GSTCD: variants seen among roughly 807,000 people sequenced by gnomAD.
GSTCD encodes the protein glutathione S-transferase C-terminal domain containing, also known as glutathione S-transferase C-terminal domain-containing protein.
Under a neutral mutation model 68.3 loss-of-function variants are expected in GSTCD, and 44 were observed. The ratio of observed to expected loss-of-function variants is 0.64; its 90% CI spans 0.51 to 0.83. GSTCD has a LOEUF of 0.83. GSTCD is among the 40% of genes least tolerant of loss of function. The pLI, the probability that GSTCD is intolerant of heterozygous loss-of-function variation, is 0.00. For synonymous variants in GSTCD, 273 were observed against 255.2 expected (o/e 1.07, Z -0.67); for missense variants, 739 against 735.9 (o/e 1.00, Z -0.05).
intron 5 of GSTCD, among the ~76,000 whole-genome samples, chr4:105,799,758 A>T (rs946224793): frequency 1.3e-5 from 2 of 152,096 alleles, no homozygotes; most frequent in Non-Finnish European, 2.9e-5. Context: ...ACACAGAAAC[A>T]TAAAGTGAAC....
Position 105,726,614 on chromosome 4 carries a change from A to G in GSTCD, c.930A>G (p.Val310=), listed in dbSNP as rs745599344. Residue 310 remains valine (V), a synonymous_variant, in exon 4 of 12, where the codon GTA becomes GTG. Transcript: ENST00000515279. ...GCAGGAAATTTTCTGAGAAGCTGGT[A>G]GAATTTCCATTGCTAGCCTCTTGGT... ...IISRKFSEKL[V]EFPLLASWYQ... 122 of 1,608,516 alleles carry G rather than the reference A, an allele frequency of 7.6e-5. 3 individuals carry two copies. The South Asian group carries it at 1.3e-3, about 17-fold the overall frequency.
chr4:105,783,506 A>G (rs1047140088), intron 5 of GSTCD, among the ~76,000 whole-genome samples: 5 of 152,024 alleles, frequency 3.3e-5, no homozygotes, highest in Non-Finnish European at 7.4e-5. Context: ...CACTGTTTAC[A>G]TTTTTATTTT....
chr4:105,720,163 CTCTG>C (rs61628844), intron 3 of GSTCD, among the ~76,000 whole-genome samples: 25,419 of 151,768 alleles, frequency 0.17, 3,487 homozygotes, highest in African/African-American at 0.39. Flanking sequence ...CTCTCTCTCT[CTCTG>C]TCTGTCTTAC....
chr4:105,842,525 T>C (rs1724395592), intron 11 of GSTCD, among the ~76,000 whole-genome samples: 1 of 152,176 alleles, frequency 6.6e-6, no homozygotes, highest in South Asian at 2.1e-4. Flanking sequence ...TAATGTTTTC[T>C]TTCTCAGGAA....
intron 5 of GSTCD, among the ~76,000 whole-genome samples, chr4:105,780,397 TG>T (rs1735233593): frequency 6.6e-6 from 1 of 152,222 alleles, no homozygotes; most frequent in Non-Finnish European, 1.5e-5. Context: ...GCTAAGTTTA[TG>T]TATGTGTTAC....
In GSTCD at chr4:105,844,570, C is replaced by T. The variant is rs569036588; in HGVS notation, c.1766-871C>T. Among the ~76,000 whole-genome samples, 375 of 152,228 alleles carry T rather than the reference C, an allele frequency of 2.5e-3. 1 individual carries two copies. The highest frequency in any genetic ancestry group is 4.6e-3 in the Non-Finnish European group (315 of 68,014). ...AGTTGTTTTAGTTTATCAGTTTCCA[C>T]TGTCATTCAATGTTTAGCCATTATT... On this transcript the variant is annotated intron_variant, in intron 11 of 11. Transcript: ENST00000515279.
intron 5 of GSTCD, among the ~76,000 whole-genome samples, chr4:105,789,991 T>C (rs1735603594): frequency 6.6e-6 from 1 of 152,040 alleles, no homozygotes; most frequent in Non-Finnish European, 1.5e-5. Flanking sequence ...AAATTACTTT[T>C]AATTCACTGC....
chr4:105,842,623 A>C (rs1349198942), intron 11 of GSTCD, among the ~76,000 whole-genome samples: 2 of 152,252 alleles, frequency 1.3e-5, no homozygotes, highest in Non-Finnish European at 2.9e-5. Context: ...GAAACATTTC[A>C]AGTTTAATAA....
intron 1 of GSTCD, among the ~76,000 whole-genome samples, chr4:105,710,050 G>A (rs1732471937): frequency 6.6e-6 from 1 of 151,142 alleles, no homozygotes; most frequent in African/African-American, 2.4e-5. Flanking sequence ...ACTAAAAATT[G>A]TGTTTGTATT....
chr4:105,764,779 C>G (rs1327403540), intron 5 of GSTCD, among the ~76,000 whole-genome samples: 1 of 152,192 alleles, frequency 6.6e-6, no homozygotes, highest in Non-Finnish European at 1.5e-5. Context: ...ACATTCAGTT[C>G]CTAACAATTA....
chr4:105,718,404 T>C (rs1424349054), intron 2 of GSTCD, among the ~76,000 whole-genome samples: 1 of 152,124 alleles, frequency 6.6e-6, no homozygotes. Context: ...TTGCTCTCTC[T>C]TGCACCCTCT....
intron 7 of GSTCD, among the ~76,000 whole-genome samples, chr4:105,823,854 T>G (rs1292470647): frequency 6.6e-6 from 1 of 152,200 alleles, no homozygotes; most frequent in Non-Finnish European, 1.5e-5. Context: ...ATAAATGTTT[T>G]TCCCTATTGC....
At chr4:105,827,155 G>A (rs921520477) in intron 8 of GSTCD, 2 of 152,118 alleles carry the variant, frequency 1.3e-5, no homozygotes, top group Non-Finnish European at 2.9e-5. Context: ...GTAAAGTTTA[G>A]CGCTTCTCCC....
At chr4:105,817,124 A>T (rs988101244) in intron 5 of GSTCD, among the ~76,000 whole-genome samples, 2 of 151,958 alleles carry the variant, frequency 1.3e-5, no homozygotes, top group Non-Finnish European at 2.9e-5. Context: ...ACATTTTCTA[A>T]GCACAAATAT....
intron 5 of GSTCD, among the ~76,000 whole-genome samples, chr4:105,787,378 T>C (rs947881016): frequency 3.3e-5 from 5 of 152,092 alleles, no homozygotes; most frequent in Non-Finnish European, 5.9e-5. Flanking sequence ...GTCCCTGTTA[T>C]GCTAAAGCTT....
chr4:105,833,355 C>G (rs1387771971), intron 8 of GSTCD, among the ~76,000 whole-genome samples: 1 of 151,796 alleles, frequency 6.6e-6, no homozygotes, highest in East Asian at 1.9e-4. Flanking sequence ...CCCAGCTACT[C>G]GGGAGGCTGA....
At chr4:105,809,624 G>A (rs1722673523) in intron 5 of GSTCD, among the ~76,000 whole-genome samples, 1 of 151,980 alleles carries the variant, frequency 6.6e-6, no homozygotes, top group South Asian at 2.1e-4. Flanking sequence ...GTACTCCATG[G>A]CAGCAAGGAC....
chr4:105,827,748 A>G (rs374979392), intron 8 of GSTCD, among the ~76,000 whole-genome samples: 1 of 152,172 alleles, frequency 6.6e-6, no homozygotes, highest in Non-Finnish European at 1.5e-5. Flanking sequence ...TGACATTTCA[A>G]TAAGGGCTTA....
At chr4:105,749,770 A>C (rs1390364056) in intron 5 of GSTCD, among the ~76,000 whole-genome samples, 1 of 152,224 alleles carries the variant, frequency 6.6e-6, no homozygotes, top group Non-Finnish European at 1.5e-5. Flanking sequence ...ATGTGTTCTT[A>C]TATGTGACAC....
Sources: allele counts gnomAD v4.1 joint callset (sites outside exome capture counted in the v4.1 genomes callset), GRCh38; gene constraint gnomAD v4.1.1; transcripts MANE v1.5; gene names NCBI Gene and HGNC (gene_info 2026-07-23, HGNC 2026-07-21).